HSPA12A: variants seen among roughly 807,000 people sequenced by gnomAD.
HSPA12A encodes heat shock 70 kDa protein 12A.
HSPA12A carries 28 observed loss-of-function variants against 69.2 expected under a neutral mutation model. The ratio of observed to expected loss-of-function variants is 0.40; its 90% CI spans 0.30 to 0.55. The LOEUF is 0.55. Among genes scored for constraint, HSPA12A ranks in the 20% least tolerant of loss-of-function variants. The pLI is 0.38. For missense variants in HSPA12A, 686 were observed against 900.7 expected, an observed-to-expected ratio of 0.76 and a Z score of 3.05; for synonymous variants, 345 against 370.5, an observed-to-expected ratio of 0.93 and a Z score of 0.79.
At chr10:116,849,727 A>G in exon 1 of HSPA12A, 1 of 1,519,766 alleles carries the variant, frequency 6.6e-7, no homozygotes, top group Non-Finnish European at 8.8e-7. Flanking sequence ...GTCTACGGGC[A>G]CCTGGTAGGG....
At chr10:116,689,544 G>A (rs1202675288) in intron 6 of HSPA12A, among the ~76,000 whole-genome samples, 2 of 152,160 alleles carry the variant, frequency 1.3e-5, no homozygotes, top group Non-Finnish European at 2.9e-5. Flanking sequence ...TGAGAACTAT[G>A]TTCTGTGCTC....
Position 116,674,247 on chromosome 10 carries a change from A to G in HSPA12A, c.*534T>C, listed in dbSNP as rs1220062716. On this transcript the variant is annotated 3_prime_UTR_variant, in exon 12 of 12. Transcript: ENST00000369209. Reference sequence around the variant, plus strand: ...GGCAGCCTTCTACCACCAGCTAAAAACATTCCCAGTTCCCACTGAATCACC... The same window carrying G: ...GGCAGCCTTCTACCACCAGCTAAAAGCATTCCCAGTTCCCACTGAATCACC... 7 of 158,996 alleles carry G rather than the reference A, an allele frequency of 4.4e-5. No homozygotes were observed. Among genetic ancestry groups the G allele is most frequent in the African/African-American group, 1.7e-4 (7 of 41,492 alleles). The allele number at this position is 158,996 out of a possible 1,614,324, so 9.8% of individuals were successfully genotyped here. A position where few individuals can be genotyped will look rare whatever the true frequency, so the allele number is the denominator to read the frequency against.
At chr10:116,806,680 G>A (rs937848827) in intron 2 of HSPA12A, among the ~76,000 whole-genome samples, 1 of 152,188 alleles carries the variant, frequency 6.6e-6, no homozygotes, top group East Asian at 1.9e-4. Context: ...ATGCAAAGGT[G>A]CCCTGGCTCA....
intron 2 of HSPA12A, among the ~76,000 whole-genome samples, chr10:116,796,595 T>C (rs1010479961): frequency 1.3e-5 from 2 of 152,152 alleles, no homozygotes; most frequent in African/African-American, 4.8e-5. Context: ...TAGAAAGTTG[T>C]CCCTTCTCCA....
exon 1 of HSPA12A, chr10:116,849,741 T>C: frequency 6.7e-7 from 1 of 1,502,970 alleles, no homozygotes; most frequent in African/African-American, 1.4e-5. Context: ...GGTAGGGACC[T>C]GGGACAAGCG....
rs868966634 is a variant in HSPA12A, at chr10:116,671,755, G to A, written c.*3026C>T. 6.5e-6 allele frequency: 1 copy of A among 152,672 alleles called. No homozygotes were observed. The highest frequency in any genetic ancestry group is 2.4e-5 in the African/African-American group (1 of 41,468). The allele number at this position is 152,672 out of a possible 1,614,324, so 9.5% of individuals were successfully genotyped here. On this transcript the variant is annotated 3_prime_UTR_variant, in exon 12 of 12. Coordinates refer to ENST00000369209, the MANE Select transcript of HSPA12A (RefSeq NM_025015.3). ...GGCAGTTACAAAGGAAAGCCTTGAT[G>A]ATTCTGCTTCCAAGAAACGTGAAGA...
At chr10:116,825,553 T>C (rs1845486859) in intron 2 of HSPA12A, among the ~76,000 whole-genome samples, 1 of 152,050 alleles carries the variant, frequency 6.6e-6, no homozygotes, top group African/African-American at 2.4e-5. Flanking sequence ...TGCTACAACA[T>C]GGATGAACCT....
In HSPA12A at chr10:116,675,330, C is replaced by T. The variant is rs782001720; in HGVS notation, c.1479G>A (p.Ala493=). The change falls in exon 12 of 12, where the codon GCG becomes GCA. Residue 493 remains alanine, a synonymous_variant. Coordinates refer to ENST00000369209, the MANE Select transcript of HSPA12A (RefSeq NM_025015.3). The surrounding 1 kb of genome is among the most constrained non-coding windows in gnomAD (Gnocchi z 5.2). Reference sequence around the variant, plus strand: ...ACTGGTCCCCAAAAGCAGCCTGCACCGCCTGCTGCAGCAGGGGCGCCTCGG... The same window carrying T: ...ACTGGTCCCCAAAAGCAGCCTGCACTGCCTGCTGCAGCAGGGGCGCCTCGG... The part of the protein sequence containing the change: ...GFAEAPLLQQ[A]VQAAFGDQCR... 36 of 1,612,972 alleles carry T rather than the reference C, an allele frequency of 2.2e-5. No homozygotes were observed. Among genetic ancestry groups the T allele is most frequent in the Middle Eastern group, 3.3e-4 (2 of 6,084 alleles).
At chr10:116,803,511 T>A (rs1228073910) in intron 2 of HSPA12A, among the ~76,000 whole-genome samples, 2 of 152,170 alleles carry the variant, frequency 1.3e-5, no homozygotes, top group Non-Finnish European at 2.9e-5. Context: ...TCACTCCCAG[T>A]GTAATCGCCC....
At position 116,707,153 on chromosome 10, in the gene HSPA12A, G is replaced by GCACACA. The variant is rs59728190; in HGVS notation, c.126+41_126+46dup. On this transcript the variant is annotated intron_variant, in intron 2 of 11. Coordinates refer to ENST00000369209, the MANE Select transcript of HSPA12A (RefSeq NM_025015.3). ...CGTGTGCTCATGCGCACCCATGCGC[G>GCACACA]CACACACACACACACACACACACAC... The GCACACA allele has an allele frequency of 4.2e-3, 2,469 of 582,588 alleles. 2 individuals carry two copies. The highest frequency in any genetic ancestry group is 8.3e-3 in the Middle Eastern group (14 of 1,686). 36.1% of individuals were successfully genotyped at this position (582,588 alleles called of 1,614,324 possible).
intron 1 of HSPA12A, chr10:116,849,525 G>C (rs1488930386): frequency 2.1e-6 from 3 of 1,459,024 alleles, no homozygotes; most frequent in Non-Finnish European, 2.7e-6. Flanking sequence ...GACGCTCGTG[G>C]GACCCCAGGC....
intron 2 of HSPA12A, among the ~76,000 whole-genome samples, chr10:116,796,145 CAAAA>C (rs10522145): frequency 6.0e-4 from 66 of 110,690 alleles, no homozygotes; most frequent in African/African-American, 2.2e-3. Context: ...AAGACTCCAT[CAAAA>C]AAAAAAAAAA....
chr10:116,732,822 T>C (rs1851203212), intron 1 of HSPA12A, among the ~76,000 whole-genome samples: 1 of 152,184 alleles, frequency 6.6e-6, no homozygotes, highest in Admixed American at 6.5e-5. Context: ...GCGGGACTGC[T>C]GGAGGATTCT....
intron 2 of HSPA12A, among the ~76,000 whole-genome samples, chr10:116,762,558 C>T (rs547857342): frequency 2.5e-4 from 38 of 152,238 alleles, no homozygotes; most frequent in African/African-American, 8.7e-4. Flanking sequence ...GGTCCTCTTT[C>T]TCGCCTTAGA....
intron 6 of HSPA12A, among the ~76,000 whole-genome samples, chr10:116,690,623 A>G (rs1849708274): frequency 6.6e-6 from 1 of 152,104 alleles, no homozygotes. Context: ...GTCCTCACCC[A>G]AGAGCTGCAG....
chr10:116,731,754 G>C (rs986745084), intron 1 of HSPA12A, among the ~76,000 whole-genome samples: 1 of 151,950 alleles, frequency 6.6e-6, no homozygotes, highest in Non-Finnish European at 1.5e-5. Context: ...ACCAGATATC[G>C]TGCCCCCTAA....
At chr10:116,791,141 C>T (rs1844693506) in intron 2 of HSPA12A, among the ~76,000 whole-genome samples, 1 of 152,172 alleles carries the variant, frequency 6.6e-6, no homozygotes, top group Non-Finnish European at 1.5e-5. Flanking sequence ...CCAGGACAGG[C>T]CTGGAATGTG....
intron 3 of HSPA12A, among the ~76,000 whole-genome samples, chr10:116,704,232 T>C (rs12245621): frequency 0.21 from 31,820 of 152,032 alleles, 3,390 homozygotes; most frequent in South Asian, 0.36. Context: ...AACGGTAGAC[T>C]AGATTAAGAA....
At chr10:116,729,058 G>C (rs186623774) in intron 1 of HSPA12A, among the ~76,000 whole-genome samples, 2 of 152,312 alleles carry the variant, frequency 1.3e-5, no homozygotes, top group East Asian at 3.9e-4. Context: ...TGGCTCTCTG[G>C]GTACCTCACA....
Sources: allele counts gnomAD v4.1 joint callset (sites outside exome capture counted in the v4.1 genomes callset), GRCh38; gene constraint gnomAD v4.1.1; non-coding constraint Gnocchi (gnomAD v3.1); transcripts MANE v1.5; gene names NCBI Gene and HGNC (gene_info 2026-07-23, HGNC 2026-07-21).